UACA: variants seen among roughly 807,000 people sequenced by gnomAD.
The protein encoded by UACA is nuclear membrane binding protein.
UACA carries 112 observed loss-of-function variants against 160.5 expected under a neutral mutation model. That is an observed-to-expected ratio of 0.70 (90% CI 0.60 to 0.82). The LOEUF is 0.82. Ranked by LOEUF, UACA falls within the 40% of genes least tolerant of loss-of-function variation. UACA has a pLI of 0.00. For synonymous variants in UACA, 557 were observed against 568.4 expected, an observed-to-expected ratio of 0.98 and a Z score of 0.29; for missense variants, 1,574 against 1,614.6, an observed-to-expected ratio of 0.97 and a Z score of 0.43.
Position 70,667,330 on chromosome 15 carries a change from C to G in UACA, c.3354G>C (p.Glu1118Asp), listed in dbSNP as rs755483322. The G allele has an allele frequency of 1.9e-6, 3 of 1,612,816 alleles. No individual in the cohort carries two copies. The highest frequency in any genetic ancestry group is 1.1e-5 in the South Asian group (1 of 90,704). The stretch of plus-strand genomic sequence containing the variant: ...TGCCATTAAGAGATTTTTTCAGAGC[C>G]TCAACCTGTTCCAATGGAACATGTT... ...QKQHVPLEQV[E>D]ALKKSLNGTI... The change falls in exon 16 of 19, where the codon GAG (glutamate) becomes GAC (aspartate). Residue 1118 changes from glutamate (E) to aspartate (D), a missense_variant. Coordinates refer to ENST00000322954, the MANE Select transcript of UACA (RefSeq NM_018003.4).
intron 14 of UACA, chr15:70,671,515 C>T (rs1000103059): frequency 1.3e-5 from 2 of 158,012 alleles, no homozygotes; most frequent in Non-Finnish European, 2.8e-5. Flanking sequence ...AACAGATTTT[C>T]TAGAGAAACT....
intron 1 of UACA, among the ~76,000 whole-genome samples, chr15:70,751,495 C>T (rs1024096228): frequency 1.3e-4 from 20 of 152,122 alleles, no homozygotes; most frequent in African/African-American, 4.3e-4. Flanking sequence ...TATAAAGCAC[C>T]GTATTAATAT....
At chr15:70,700,301 G>GTATATATATA (rs142277997) in intron 1 of UACA, among the ~76,000 whole-genome samples, 83 of 129,916 alleles carry the variant, frequency 6.4e-4, no homozygotes, top group African/African-American at 2.6e-3. Flanking sequence ...GAGGCAAATT[G>GTATATATATA]TATATATATA....
chr15:70,708,472 T>C (rs991021722), intron 1 of UACA, among the ~76,000 whole-genome samples: 7 of 152,040 alleles, frequency 4.6e-5, no homozygotes, highest in Non-Finnish European at 1.0e-4. Flanking sequence ...ATCTTTTTTT[T>C]TTTTTTTGAG....
At chr15:70,671,303 G>T (rs1037957482) in intron 14 of UACA, 10 of 292,478 alleles carry the variant, frequency 3.4e-5, no homozygotes, top group South Asian at 1.2e-4. Flanking sequence ...TACTAGGTTG[G>T]TTTTTTTTTT....
At chr15:70,699,694 T>C (rs373143896) in intron 1 of UACA, 34 bp from the exon 2 acceptor site, 39 of 1,604,830 alleles carry the variant, frequency 2.4e-5, no homozygotes, top group African/African-American at 2.4e-4. Context: ...AAATATGGCA[T>C]ACTACATTAG....
In UACA at chr15:70,667,639, C is replaced by T. The variant is rs201129903; in HGVS notation, c.3045G>A (p.Lys1015=). 2.7e-5 allele frequency: 44 copies of T among 1,612,934 alleles called. No individual in the cohort carries two copies. The highest frequency in any genetic ancestry group is 3.5e-5 in the Non-Finnish European group (41 of 1,179,946). Residue 1015 remains lysine, a synonymous_variant, in exon 16 of 19, where the codon AAG becomes AAA. Transcript: ENST00000322954. ...TGACTTCTTCTTCACTGACACTATACTTTTGTGTCTGCTCTGATAACTGGT... is the reference window on the plus strand; with the variant it reads ...TGACTTCTTCTTCACTGACACTATATTTTTGTGTCTGCTCTGATAACTGGT... ...LKDQLSEQTQ[K]YSVSEEEVKK...
intron 1 of UACA, among the ~76,000 whole-genome samples, chr15:70,719,126 GAGAAGAGAAC>G (rs964724989): frequency 2.0e-5 from 3 of 151,520 alleles, no homozygotes; most frequent in African/African-American, 4.9e-5. Flanking sequence ...AGAAGGAGAA[GAGAAGAGAAC>G]AGAAGAGAAG....
At chr15:70,657,788 AAACT>A (rs951556146) in intron 18 of UACA, among the ~76,000 whole-genome samples, 1 of 151,496 alleles carries the variant, frequency 6.6e-6, no homozygotes, top group African/African-American at 2.4e-5. Flanking sequence ...TTTGTTTAGA[AAACT>A]AACTGATGGC....
intron 2 of UACA, 121 bp downstream of exon 2, chr15:70,699,406 G>C: frequency 9.1e-7 from 1 of 1,096,624 alleles, no homozygotes. Flanking sequence ...AGATTTTATA[G>C]TGCAGGTTTT....
intron 1 of UACA, among the ~76,000 whole-genome samples, chr15:70,750,762 G>A (rs949628652): frequency 2.6e-5 from 4 of 152,110 alleles, no homozygotes; most frequent in Non-Finnish European, 5.9e-5. Flanking sequence ...TCCCAGCTAC[G>A]CACTTGCTGC....
intron 7 of UACA, among the ~76,000 whole-genome samples, chr15:70,686,122 T>G (rs1376496611): frequency 6.6e-6 from 1 of 151,824 alleles, no homozygotes; most frequent in Non-Finnish European, 1.5e-5. Flanking sequence ...AGCCACTTCT[T>G]AATCACATCT....
chr15:70,673,369 T>G (rs1439297705), intron 13 of UACA, among the ~76,000 whole-genome samples: 1 of 152,162 alleles, frequency 6.6e-6, no homozygotes, highest in African/African-American at 2.4e-5. Flanking sequence ...GGTGTATCAG[T>G]CCTAAAAGCT....
intron 3 of UACA, 28 bp downstream of exon 3, chr15:70,694,989 T>C: frequency 1.3e-6 from 2 of 1,548,762 alleles, no homozygotes; most frequent in Non-Finnish European, 1.8e-6. Context: ...ACTTTATGTT[T>C]TATAATTAAC....
chr15:70,711,825 G>A lies in UACA; in HGVS notation c.79-12165C>T, dbSNP rs994782197. Among the ~76,000 whole-genome samples the A allele has an allele frequency of 1.1e-4, 16 of 151,920 alleles. 1 individual carries two copies. Among genetic ancestry groups the A allele is most frequent in the Non-Finnish European group, 2.1e-4 (14 of 68,012 alleles). The stretch of plus-strand genomic sequence containing the variant: ...TGAAATACTGAAATAGTTCAAAAGA[G>A]GGAAAGTCAGAAAAGTTCTATAGAG... On this transcript the variant is annotated intron_variant, in intron 1 of 18. Coordinates refer to ENST00000322954, the MANE Select transcript of UACA (RefSeq NM_018003.4).
intron 1 of UACA, among the ~76,000 whole-genome samples, chr15:70,760,348 A>G (rs992903469): frequency 3.9e-5 from 6 of 152,222 alleles, no homozygotes; most frequent in Non-Finnish European, 7.3e-5. Flanking sequence ...TATAAATTCA[A>G]TTGTATAAAA....
At chr15:70,710,861 G>C (rs1238758064) in intron 1 of UACA, among the ~76,000 whole-genome samples, 1 of 152,130 alleles carries the variant, frequency 6.6e-6, no homozygotes, top group African/African-American at 2.4e-5. Flanking sequence ...GTCCTTTTGG[G>C]GCTTTCACGG....
At chr15:70,761,040 C>G (rs1188643325) in intron 1 of UACA, among the ~76,000 whole-genome samples, 1 of 152,068 alleles carries the variant, frequency 6.6e-6, no homozygotes. Flanking sequence ...CAGGTACAGA[C>G]ACACACTTGA....
chr15:70,660,250 T>C (rs759028899), intron 17 of UACA, 34 bp from the exon 18 acceptor site: 2 of 1,583,192 alleles, frequency 1.3e-6, no homozygotes, highest in East Asian at 2.2e-5. Flanking sequence ...GATGTGACTA[T>C]CAGCGTTCAC....
Sources: allele counts gnomAD v4.1 joint callset (sites outside exome capture counted in the v4.1 genomes callset), GRCh38; gene constraint gnomAD v4.1.1; transcripts MANE v1.5; gene names NCBI Gene and HGNC (gene_info 2026-07-23, HGNC 2026-07-21).